Variants in FARSB observed in about 807,000 individuals in gnomAD.
FARSB encodes the protein phenylalanine--tRNA ligase beta subunit.
In FARSB, 40 loss-of-function variants were observed where a neutral mutation model predicts 69.6. The ratio of observed to expected loss-of-function variants is 0.57; its 90% CI spans 0.45 to 0.75. The LOEUF (loss-of-function observed/expected upper bound fraction) is 0.75, where lower values mean the gene tolerates loss of function less well. FARSB is among the 30% of genes least tolerant of loss of function. The pLI, the probability that FARSB is intolerant of heterozygous loss-of-function variation, is 0.00. For missense variants in FARSB, 632 were observed against 722.9 expected, an observed-to-expected ratio of 0.87 and a Z score of 1.44; for synonymous variants, 235 against 247.2, an observed-to-expected ratio of 0.95 and a Z score of 0.46.
At chr2:222,579,147 G>A (rs931662646) in intron 16 of FARSB, among the ~76,000 whole-genome samples, 5 of 152,198 alleles carry the variant, frequency 3.3e-5, no homozygotes, top group Non-Finnish European at 7.3e-5. Flanking sequence ...CTTGCCCTAG[G>A]CAAGCAATAG....
chr2:222,592,378 A>G (rs569641436), intron 16 of FARSB, among the ~76,000 whole-genome samples: 83 of 152,244 alleles, frequency 5.5e-4, no homozygotes, highest in African/African-American at 1.9e-3. Flanking sequence ...ATCAGAATAC[A>G]TCATGTTCTA....
chr2:222,577,121 A>G (rs1294584897), intron 16 of FARSB, among the ~76,000 whole-genome samples: 1 of 152,204 alleles, frequency 6.6e-6, no homozygotes, highest in African/African-American at 2.4e-5. Flanking sequence ...GAGGAAAAAA[A>G]TCATTATTGA....
chr2:222,655,644 C>G (rs1692154538), intron 1 of FARSB, among the ~76,000 whole-genome samples: 1 of 152,176 alleles, frequency 6.6e-6, no homozygotes, highest in Admixed American at 6.5e-5. Flanking sequence ...CCTCCTACCC[C>G]CTTATAAACT....
intron 15 of FARSB, among the ~76,000 whole-genome samples, chr2:222,612,811 A>C (rs1690893635): frequency 6.6e-6 from 1 of 152,220 alleles, no homozygotes; most frequent in Non-Finnish European, 1.5e-5. Flanking sequence ...ATTCCTTGGC[A>C]ATCAAGTGGA....
At chr2:222,597,816 C>T (rs1335450770) in intron 16 of FARSB, among the ~76,000 whole-genome samples, 1 of 152,150 alleles carries the variant, frequency 6.6e-6, no homozygotes, top group Admixed American at 6.6e-5. Context: ...TCCATCCCAC[C>T]CAACCTACAT....
At chr2:222,636,971 C>T (rs558124621) in intron 5 of FARSB, among the ~76,000 whole-genome samples, 1 of 152,182 alleles carries the variant, frequency 6.6e-6, no homozygotes, top group African/African-American at 2.4e-5. Context: ...TTTAAAGCTG[C>T]TACTAAAAAA....
At chr2:222,645,239 G>A (rs913284589) in intron 2 of FARSB, among the ~76,000 whole-genome samples, 2 of 152,280 alleles carry the variant, frequency 1.3e-5, no homozygotes, top group South Asian at 2.1e-4. Context: ...CAAAGTAATT[G>A]TCCATAGTTA....
At chr2:222,583,195 C>A (rs990021407) in intron 16 of FARSB, among the ~76,000 whole-genome samples, 1 of 152,078 alleles carries the variant, frequency 6.6e-6, no homozygotes, top group African/African-American at 2.4e-5. Context: ...AATACACTGA[C>A]TAAAATCAGC....
At position 222,568,881 on chromosome 2, in the gene FARSB, C is replaced by T. The variant is rs1209176041; in HGVS notation, c.*2990G>A. Reference sequence around the variant, plus strand: ...ACAAAACTAGAAGAGCACTGCAGGACTGTGAGGCTGTAGTGGTAGAATTTA... The same window carrying T: ...ACAAAACTAGAAGAGCACTGCAGGATTGTGAGGCTGTAGTGGTAGAATTTA... On this transcript the variant is annotated 3_prime_UTR_variant, in exon 17 of 17. Transcript: ENST00000281828. This position sits in a 1 kb window ranked among gnomAD's most constrained non-coding sequence, Gnocchi z 4.3. 1 of 152,162 alleles carries T rather than the reference C, an allele frequency of 6.6e-6. No individual in the cohort carries two copies. Among genetic ancestry groups the T allele is most frequent in the East Asian group, 1.9e-4 (1 of 5,198 alleles). 9.4% of individuals were successfully genotyped at this position (152,162 alleles called of 1,614,324 possible).
intron 16 of FARSB, among the ~76,000 whole-genome samples, chr2:222,577,143 CACAA>C (rs1470934969): frequency 6.6e-6 from 1 of 152,158 alleles, no homozygotes; most frequent in Non-Finnish European, 1.5e-5. Flanking sequence ...ATATAAAACA[CACAA>C]ACATTTTTTC....
At chr2:222,593,790 G>C (rs1184791957) in intron 16 of FARSB, among the ~76,000 whole-genome samples, 3 of 152,034 alleles carry the variant, frequency 2.0e-5, no homozygotes, top group Non-Finnish European at 2.9e-5. Flanking sequence ...AGGATCACTT[G>C]AGCCTGGGAG....
chr2:222,648,484 C>T (rs1691930062), intron 2 of FARSB, among the ~76,000 whole-genome samples: 1 of 152,200 alleles, frequency 6.6e-6, no homozygotes, highest in Non-Finnish European at 1.5e-5. Context: ...GGTTATCTAA[C>T]ACATTCTATC....
chr2:222,605,348 C>T (rs1024617300), intron 15 of FARSB, among the ~76,000 whole-genome samples: 2 of 152,158 alleles, frequency 1.3e-5, no homozygotes, highest in African/African-American at 4.8e-5. Context: ...TCCACTTTAA[C>T]ACACAGGCAC....
intron 14 of FARSB, among the ~76,000 whole-genome samples, chr2:222,619,223 T>G (rs1168355653): frequency 4.8e-5 from 7 of 146,922 alleles, no homozygotes; most frequent in Non-Finnish European, 9.0e-5. Context: ...GCAGAATCGC[T>G]TGAACCCAGG....
chr2:222,613,712 A>T, intron 15 of FARSB, 99 bp downstream of exon 15: 1 of 729,384 alleles, frequency 1.4e-6, no homozygotes. Flanking sequence ...CATAGGGGCT[A>T]ATTATACTAT....
chr2:222,643,705 T>A (rs1691778055), intron 2 of FARSB, among the ~76,000 whole-genome samples: 1 of 152,056 alleles, frequency 6.6e-6, no homozygotes, highest in African/African-American at 2.4e-5. Context: ...TTAGAAGGGA[T>A]AATAGGTACA....
intron 15 of FARSB, among the ~76,000 whole-genome samples, chr2:222,602,555 T>C (rs1690589486): frequency 1.3e-5 from 2 of 151,618 alleles, no homozygotes; most frequent in Non-Finnish European, 2.9e-5. Context: ...GAATTGAGAA[T>C]ATGATAAAGG....
chr2:222,592,857 T>A (rs1464822076), intron 16 of FARSB, among the ~76,000 whole-genome samples: 2 of 151,918 alleles, frequency 1.3e-5, no homozygotes, highest in East Asian at 3.9e-4. Flanking sequence ...AATAAATCAT[T>A]CCTAAGTTTT....
chr2:222,580,758 T>C (rs1184677263), intron 16 of FARSB, among the ~76,000 whole-genome samples: 1 of 152,178 alleles, frequency 6.6e-6, no homozygotes, highest in African/African-American at 2.4e-5. Context: ...AGGAAACCTT[T>C]TTTCAGAGAA....
Sources: gnomAD v4.1 joint callset for allele counts (sites outside exome capture counted in the v4.1 genomes callset) on GRCh38, gnomAD v4.1.1 for gene constraint, Gnocchi (gnomAD v3.1) non-coding constraint, MANE v1.5 for transcripts, NCBI Gene and HGNC (gene_info 2026-07-23, HGNC 2026-07-21) for gene names.